The following YEATS4 variants were observed in gnomAD, a reference collection of about 807,000 sequenced individuals.
YEATS4 encodes the protein YEATS domain containing 4.
YEATS4 carries 17 observed loss-of-function variants against 30.1 expected under a neutral mutation model. The ratio of observed to expected loss-of-function variants is 0.56; its 90% CI spans 0.39 to 0.85. The LOEUF (loss-of-function observed/expected upper bound fraction) is 0.85, where lower values mean the gene tolerates loss of function less well. Among genes scored for constraint, YEATS4 ranks in the 40% least tolerant of loss-of-function variants. The pLI is 0.00. For synonymous variants in YEATS4, 85 were observed against 87.5 expected, an observed-to-expected ratio of 0.97 and a Z score of 0.16; for missense variants, 142 against 268.3, an observed-to-expected ratio of 0.53 and a Z score of 3.29.
the YEATS4 span, among the ~76,000 whole-genome samples, chr12:69,425,447 T>C: frequency 6.6e-6 from 1 of 152,232 alleles, no homozygotes; most frequent in East Asian, 1.9e-4. Context: ...TCTGAGCTGC[T>C]TGCAGAATGG....
chr12:69,411,708 C>T, the YEATS4 span, among the ~76,000 whole-genome samples: 3 of 152,054 alleles, frequency 2.0e-5, no homozygotes, highest in East Asian at 5.8e-4. Context: ...GGCATTAGTG[C>T]GAGACACGAA....
Position 69,383,440 on chromosome 12 carries a change from A to G in YEATS4, c.515-6707A>G, listed in dbSNP as rs538494828. ...ATTATGAGACCAAATGGTATCATCA[A>G]AGGAGTAAGTGAAGATAGAAAAGAG... On this transcript the variant is annotated intron_variant, in intron 6 of 6. Transcript: ENST00000247843. Among the ~76,000 whole-genome samples the G allele has an allele frequency of 8.5e-5, 13 of 152,306 alleles. No homozygotes were observed. The East Asian group carries it at 1.4e-3, about 16-fold the overall frequency.
chr12:69,401,578 A>G, the YEATS4 span, among the ~76,000 whole-genome samples: 9 of 152,318 alleles, frequency 5.9e-5, no homozygotes, highest in South Asian at 4.1e-4. Context: ...ATGGCAATCT[A>G]TGCTTCCTTT....
the YEATS4 span, among the ~76,000 whole-genome samples, chr12:69,406,820 T>C: frequency 6.6e-6 from 1 of 152,082 alleles, no homozygotes; most frequent in Non-Finnish European, 1.5e-5. Flanking sequence ...TTTTTTCTTT[T>C]CTTTCTTTTT....
chr12:69,408,154 C>G, the YEATS4 span, among the ~76,000 whole-genome samples: 2 of 152,256 alleles, frequency 1.3e-5, no homozygotes, highest in African/African-American at 4.8e-5. Context: ...TTACAATCTT[C>G]TGGGAAAACT....
the YEATS4 span, among the ~76,000 whole-genome samples, chr12:69,420,415 G>T: frequency 2.0e-5 from 3 of 150,986 alleles, no homozygotes; most frequent in East Asian, 4.1e-4. Flanking sequence ...TAGGGGGAGG[G>T]GGACAGAGGC....
chr12:69,386,635 T>C (rs1239033655), intron 6 of YEATS4, among the ~76,000 whole-genome samples: 2 of 152,208 alleles, frequency 1.3e-5, no homozygotes, highest in African/African-American at 4.8e-5. Flanking sequence ...GTGTGTTTTT[T>C]AAATTGATGT....
chr12:69,375,873 G>A (rs1322522926), intron 6 of YEATS4, among the ~76,000 whole-genome samples: 1 of 152,040 alleles, frequency 6.6e-6, no homozygotes, highest in Non-Finnish European at 1.5e-5. Flanking sequence ...CCTGGGCTCG[G>A]CATCAGAGGG....
the YEATS4 span, among the ~76,000 whole-genome samples, chr12:69,405,461 A>G: frequency 6.6e-6 from 1 of 152,138 alleles, no homozygotes; most frequent in Admixed American, 6.5e-5. Context: ...TTCTTTCCTT[A>G]TTAAGTCAAA....
intron 6 of YEATS4, among the ~76,000 whole-genome samples, chr12:69,383,350 A>G (rs762868856): frequency 5.3e-5 from 8 of 152,210 alleles, no homozygotes; most frequent in Non-Finnish European, 1.2e-4. Context: ...ATGTTGCACC[A>G]TGGCATTCAA....
chr12:69,378,885 C>T (rs1875966720), intron 6 of YEATS4, among the ~76,000 whole-genome samples: 1 of 151,548 alleles, frequency 6.6e-6, no homozygotes, highest in South Asian at 2.1e-4. Context: ...GATGATTTCA[C>T]ATTACTTATT....
chr12:69,412,494 CA>C, the YEATS4 span, among the ~76,000 whole-genome samples: 6 of 150,758 alleles, frequency 4.0e-5, no homozygotes, highest in South Asian at 6.3e-4. Flanking sequence ...ACTAAAAATA[CA>C]AAAAAAAATT....
chr12:69,412,561 G>A, the YEATS4 span, among the ~76,000 whole-genome samples: 4 of 152,170 alleles, frequency 2.6e-5, no homozygotes, highest in African/African-American at 4.8e-5. Context: ...GTTGAGGCAG[G>A]AGAATCACTT....
the YEATS4 span, among the ~76,000 whole-genome samples, chr12:69,409,446 G>T: frequency 2.6e-5 from 4 of 151,840 alleles, no homozygotes; most frequent in African/African-American, 7.2e-5. Flanking sequence ...ACGAAACCCC[G>T]CCTCTACCAA....
the YEATS4 span, among the ~76,000 whole-genome samples, chr12:69,403,212 A>G: frequency 6.6e-6 from 1 of 152,162 alleles, no homozygotes; most frequent in Non-Finnish European, 1.5e-5. Context: ...CTGTGAATTC[A>G]AAGTAAAAAC....
chr12:69,403,386 G>A, the YEATS4 span, among the ~76,000 whole-genome samples: 22 of 152,118 alleles, frequency 1.4e-4, no homozygotes, highest in East Asian at 5.8e-4. Context: ...AGACCAGCCC[G>A]GCCAACATGG....
intron 6 of YEATS4, among the ~76,000 whole-genome samples, chr12:69,381,936 C>T (rs1876096033): frequency 6.6e-6 from 1 of 152,198 alleles, no homozygotes; most frequent in Admixed American, 6.5e-5. Flanking sequence ...CCCCAATAGA[C>T]TTAATCCAAG....
chr12:69,372,541 T>TTTTTTTTTG (rs1445009793), intron 6 of YEATS4, among the ~76,000 whole-genome samples: 4 of 148,484 alleles, frequency 2.7e-5, no homozygotes, highest in African/African-American at 1.0e-4. Context: ...TCATGAGTTT[T>TTTTTTTTTG]TTTTTTTTTT....
intron 2 of YEATS4, among the ~76,000 whole-genome samples, chr12:69,363,135 G>GGCGCCCGCCACC (rs1875294857): frequency 6.6e-6 from 1 of 151,710 alleles, no homozygotes; most frequent in African/African-American, 2.4e-5. Flanking sequence ...TGGGACTACA[G>GGCGCCCGCCACC]GCGCCCGCCA....
Sources: allele counts gnomAD v4.1 joint callset (sites outside exome capture counted in the v4.1 genomes callset), GRCh38; gene constraint gnomAD v4.1.1; transcripts MANE v1.5; gene names NCBI Gene and HGNC (gene_info 2026-07-23, HGNC 2026-07-21).